The following CEP126 variants were observed in gnomAD, a reference collection of about 807,000 sequenced individuals.
The protein encoded by CEP126 is centrosomal protein of 126 kDa.
Under a neutral mutation model 107.8 loss-of-function variants are expected in CEP126, and 74 were observed. The observed-to-expected ratio is 0.69, with a 90% CI of 0.57 to 0.83. The LOEUF (loss-of-function observed/expected upper bound fraction) is 0.83. Among genes scored for constraint, CEP126 ranks in the 40% least tolerant of loss-of-function variants. The pLI, the probability that CEP126 is intolerant of heterozygous loss-of-function variation, is 0.00. For missense variants in CEP126, 1,237 were observed against 1,281.9 expected (o/e 0.96, Z 0.53); for synonymous variants, 449 against 446.0 (o/e 1.01, Z -0.08).
At chr11:101,994,312 G>A (rs1156537983) in intron 10 of CEP126, among the ~76,000 whole-genome samples, 2 of 152,202 alleles carry the variant, frequency 1.3e-5, no homozygotes, top group African/African-American at 4.8e-5. Context: ...CTCCCATTCT[G>A]TAGGTTGTCT....
intron 4 of CEP126, among the ~76,000 whole-genome samples, 194 bp downstream of exon 4, chr11:101,948,336 C>G (rs1246597336): frequency 6.6e-6 from 1 of 152,020 alleles, no homozygotes; most frequent in Non-Finnish European, 1.5e-5. Context: ...AATTTGTTGT[C>G]TTAAAGTCCT....
chr11:101,958,430 C>T (rs747524204), intron 5 of CEP126, 64 bp downstream of exon 5: 17 of 1,340,916 alleles, frequency 1.3e-5, no homozygotes, highest in Non-Finnish European at 1.8e-5. Flanking sequence ...TCCACTTTTG[C>T]AGTGTTCTCC....
At chr11:101,935,954 C>T (rs1326681059) in intron 2 of CEP126, among the ~76,000 whole-genome samples, 1 of 152,058 alleles carries the variant, frequency 6.6e-6, no homozygotes, top group African/African-American at 2.4e-5. Flanking sequence ...TTGGGAACCA[C>T]TTCTTTATAG....
chr11:101,997,162 C>T (rs1215986719), intron 10 of CEP126, among the ~76,000 whole-genome samples: 5 of 152,126 alleles, frequency 3.3e-5, no homozygotes, highest in African/African-American at 9.7e-5. Flanking sequence ...CTCAGCCTCC[C>T]GAGCAGCTGG....
At chr11:101,933,045 A>G (rs1450173393) in intron 2 of CEP126, among the ~76,000 whole-genome samples, 1 of 152,202 alleles carries the variant, frequency 6.6e-6, no homozygotes, top group African/African-American at 2.4e-5. Context: ...TGTGTTAGGA[A>G]CAGGACTTCC....
At chr11:101,931,749 A>C (rs534361279) in intron 2 of CEP126, among the ~76,000 whole-genome samples, 3 of 152,166 alleles carry the variant, frequency 2.0e-5, no homozygotes, top group African/African-American at 7.2e-5. Flanking sequence ...CTTCAGTTCT[A>C]TGTTTGTCTC....
chr11:101,970,653 C>T (rs1441927), intron 6 of CEP126, among the ~76,000 whole-genome samples: 8,477 of 151,658 alleles, frequency 0.056, 460 homozygotes, highest in East Asian at 0.26. Flanking sequence ...TTCACAGAAT[C>T]AAAAATTTGA....
rs34433049 is a variant in CEP126, at chr11:101,988,778, G to GTATATATATA, written c.3244+1745_3244+1754dup. The stretch of plus-strand genomic sequence containing the variant: ...TTGTTAACAGCAAATATATGTATAT[G>GTATATATATA]TATATATATATATATATGTCACTTT... On this transcript the variant is annotated intron_variant, in intron 9 of 10. Coordinates refer to ENST00000263468, the MANE Select transcript of CEP126 (RefSeq NM_020802.4). Among the ~76,000 whole-genome samples, 10 of 148,956 alleles carry GTATATATATA rather than the reference G, an allele frequency of 6.7e-5. No individual in the cohort carries two copies. The East Asian group carries it at 1.6e-3, about 23-fold the overall frequency.
chr11:101,995,500 A>G (rs1565372397), intron 10 of CEP126, among the ~76,000 whole-genome samples: 2 of 149,494 alleles, frequency 1.3e-5, no homozygotes. Flanking sequence ...GATGAGAAAC[A>G]CTGGTCTAGA....
In CEP126 at chr11:101,997,626, T is replaced by C; in HGVS notation, c.3337T>C (p.Cys1113Arg). 1 of 1,613,992 alleles carries C rather than the reference T, an allele frequency of 6.2e-7. No individual in the cohort carries two copies. The highest frequency in any genetic ancestry group is 8.5e-7 in the Non-Finnish European group (1 of 1,179,908). The part of the protein sequence containing the change: ...LEKREDRTSS[C>R]RDKR Reference sequence around the variant, plus strand: ...GAAGAGAGAAGATAGAACCAGCAGCTGCAGAGACAAGAGATAATTCCAGCA... The same window carrying C: ...GAAGAGAGAAGATAGAACCAGCAGCCGCAGAGACAAGAGATAATTCCAGCA... The change falls in exon 11 of 11, where the codon TGC becomes CGC. Residue 1113 changes from cysteine (C) to arginine (R), a missense_variant. Physicochemically the swap from Cys to Arg is radical, Grantham distance 180. This residue lies in a region of CEP126 where 99 missense variants were observed against 114.4 expected (regional missense o/e 0.87). Transcript: ENST00000263468.
intron 2 of CEP126, among the ~76,000 whole-genome samples, chr11:101,942,607 G>C (rs1295460064): frequency 6.9e-6 from 1 of 145,216 alleles, no homozygotes; most frequent in Non-Finnish European, 1.5e-5. Context: ...AGGGTTCCTT[G>C]ACATTGTATA....
intron 8 of CEP126, among the ~76,000 whole-genome samples, chr11:101,983,413 C>T (rs979997210): frequency 1.3e-5 from 2 of 152,122 alleles, no homozygotes; most frequent in Non-Finnish European, 2.9e-5. Flanking sequence ...GGATTTCAAC[C>T]ATGAAGTCAA....
intron 9 of CEP126, 51 bp from the exon 10 acceptor site, chr11:101,992,721 CTTCTAT>C (rs1941399575): frequency 2.1e-6 from 2 of 943,832 alleles, no homozygotes; most frequent in Non-Finnish European, 3.1e-6. Context: ...TTTAGTCATT[CTTCTAT>C]TTCTATATAT....
chr11:101,997,154 C>T (rs978249222), intron 10 of CEP126, among the ~76,000 whole-genome samples: 2 of 152,202 alleles, frequency 1.3e-5, no homozygotes, highest in African/African-American at 4.8e-5. Flanking sequence ...TCTCCTGCCT[C>T]AGCCTCCCGA....
intron 8 of CEP126, among the ~76,000 whole-genome samples, chr11:101,985,357 A>G (rs1245516467): frequency 1.3e-5 from 2 of 150,496 alleles, no homozygotes; most frequent in Non-Finnish European, 2.9e-5. Flanking sequence ...ATCTTGGTTC[A>G]TTGCAACCTC....
chr11:101,979,195 C>G (rs1941227640), intron 7 of CEP126, among the ~76,000 whole-genome samples: 1 of 151,898 alleles, frequency 6.6e-6, no homozygotes, highest in African/African-American at 2.4e-5. Context: ...ACTGAATATC[C>G]TATTTGTGTC....
At chr11:101,938,079 G>A (rs1233502968) in intron 2 of CEP126, among the ~76,000 whole-genome samples, 1 of 148,752 alleles carries the variant, frequency 6.7e-6, no homozygotes, top group African/African-American at 2.5e-5. Context: ...CGTGAACCCG[G>A]GAAGCGGAGC....
intron 8 of CEP126, among the ~76,000 whole-genome samples, chr11:101,986,631 T>C (rs529287554): frequency 6.6e-6 from 1 of 152,328 alleles, no homozygotes; most frequent in East Asian, 1.9e-4. Context: ...TGAATATCCT[T>C]TTTTAAAAAA....
intron 2 of CEP126, among the ~76,000 whole-genome samples, chr11:101,923,093 C>G (rs1171461251): frequency 2.0e-5 from 3 of 151,818 alleles, no homozygotes; most frequent in African/African-American, 7.3e-5. Flanking sequence ...TTAAAATTAC[C>G]AATTAATATT....
Sources: allele counts gnomAD v4.1 joint callset (sites outside exome capture counted in the v4.1 genomes callset), GRCh38; gene constraint gnomAD v4.1.1; regional missense constraint gnomAD v4.1.1; transcripts MANE v1.5; gene names NCBI Gene and HGNC (gene_info 2026-07-23, HGNC 2026-07-21).